INTS3: variants seen among roughly 807,000 people sequenced by gnomAD.
INTS3 encodes the protein SOSS complex subunit A.
Under a neutral mutation model 146.3 loss-of-function variants are expected in INTS3, and 34 were observed. The observed-to-expected ratio is 0.23, with a 90% CI of 0.18 to 0.31. The LOEUF (loss-of-function observed/expected upper bound fraction) is 0.31. Ranked by LOEUF, INTS3 falls within the 10% of genes least tolerant of loss-of-function variation. INTS3 has a pLI of 1.00. For synonymous variants in INTS3, 475 were observed against 494.9 expected (o/e 0.96, Z 0.53); for missense variants, 757 against 1,304.2 (o/e 0.58, Z 6.46).
intron 1 of INTS3, among the ~76,000 whole-genome samples, chr1:153,733,218 T>A (rs1671152733): frequency 8.0e-6 from 1 of 125,182 alleles, no homozygotes; most frequent in African/African-American, 3.3e-5. Flanking sequence ...TTTTTTTTTT[T>A]TTTTTTTTTT....
intron 6 of INTS3, among the ~76,000 whole-genome samples, chr1:153,750,332 T>G (rs1188345682): frequency 6.6e-6 from 1 of 152,260 alleles, no homozygotes; most frequent in African/African-American, 2.4e-5. Flanking sequence ...CCCCACTGTG[T>G]CTTTCTCTCT....
chr1:153,736,271 T>C (rs926432381), intron 1 of INTS3, among the ~76,000 whole-genome samples: 3 of 152,164 alleles, frequency 2.0e-5, no homozygotes, highest in Non-Finnish European at 2.9e-5. Context: ...AGACCTGATA[T>C]TAAGTTGTAA....
At chr1:153,739,627 C>T (rs1384969400) in intron 1 of INTS3, among the ~76,000 whole-genome samples, 1 of 151,464 alleles carries the variant, frequency 6.6e-6, no homozygotes, top group Non-Finnish European at 1.5e-5. Context: ...AACCACCGCA[C>T]CCAGCTAATT....
Position 153,728,683 on chromosome 1 carries a change from G to A in INTS3, c.49G>A (p.Gly17Arg). The change falls in exon 1 of 30, where the codon GGA (glycine) becomes AGA (arginine). Residue 17 changes from glycine (G) to arginine (R), a missense_variant. By Grantham distance (125) the Gly-to-Arg change is moderately radical (BLOSUM62 -2). Around this residue, in one of 8 missense-constraint regions of INTS3, gnomAD observed 160 missense variants for 193.7 expected, o/e 0.83. Transcript: ENST00000318967. ...GGCGGCAGCAGCAGCAGCTGCTTCG[G>A]GAGCAGCGGGAGGTGGAGGAGGAGG... ...KGAAAAAAASGAAGGGGGGAG... is the reference protein window; with the variant it reads ...KGAAAAAAASRAAGGGGGGAG... The A allele has an allele frequency of 6.2e-7, 1 of 1,606,156 alleles. No individual in the cohort carries two copies. The highest frequency in any genetic ancestry group is 8.5e-7 in the Non-Finnish European group (1 of 1,177,384).
rs758071358 is a variant in INTS3, at chr1:153,764,154, T to G, written c.1858T>G (p.Ser620Ala). Residue 620 changes from serine to alanine, a missense_variant, in exon 18 of 30, where the codon TCC becomes GCC. Coordinates refer to ENST00000318967, the MANE Select transcript of INTS3 (RefSeq NM_023015.5). ...FDSEQLSVLA[S>A]CLQELFKAHF... ...CTCGGAGCAGCTGTCTGTCCTTGCTTCCTGCCTACAGGAGCTCTTCAAGGC... is the reference window on the plus strand; with the variant it reads ...CTCGGAGCAGCTGTCTGTCCTTGCTGCCTGCCTACAGGAGCTCTTCAAGGC... The G allele has an allele frequency of 6.2e-7, 1 of 1,614,054 alleles. No individual in the cohort carries two copies. The highest frequency in any genetic ancestry group is 8.5e-7 in the Non-Finnish European group (1 of 1,179,970).
At chr1:153,760,028 A>C in intron 11 of INTS3, 2 of 538,390 alleles carry the variant, frequency 3.7e-6, no homozygotes, top group Non-Finnish European at 3.3e-6. Context: ...AGCACTTCCC[A>C]GAGCCATTCA....
At chr1:153,763,952 G>A in intron 17 of INTS3, 66 bp downstream of exon 17, 1 of 1,492,016 alleles carries the variant, frequency 6.7e-7, no homozygotes, top group Non-Finnish European at 9.3e-7. Flanking sequence ...CGTCTCCCAG[G>A]GAAGACAACT....
At chr1:153,729,778 A>G (rs1377409525) in intron 1 of INTS3, among the ~76,000 whole-genome samples, 2 of 151,084 alleles carry the variant, frequency 1.3e-5, no homozygotes, top group African/African-American at 2.4e-5. Flanking sequence ...AGGCAGGAGA[A>G]TCGCTTGAAC....
intron 24 of INTS3, 60 bp downstream of exon 24, chr1:153,770,371 A>G: frequency 9.5e-7 from 1 of 1,056,050 alleles, no homozygotes; most frequent in East Asian, 2.4e-5. Flanking sequence ...CAGTTAGGGC[A>G]AGGCTGAGGC....
chr1:153,728,868 T>TGGGGGGGGGGGGG, intron 1 of INTS3, 84 bp downstream of exon 1: 1 of 18,832 alleles, frequency 5.3e-5, no homozygotes, highest in South Asian at 8.3e-4. Context: ...GGACGGGGGG[T>TGGGGGGGGGGGGG]GGGGGCGGGG....
chr1:153,732,405 G>A (rs1386954830), intron 1 of INTS3, among the ~76,000 whole-genome samples: 2 of 151,716 alleles, frequency 1.3e-5, no homozygotes, highest in African/African-American at 4.8e-5. Flanking sequence ...TACTTTGAAC[G>A]CAGCTTGTTC....
At position 153,772,794 on chromosome 1, in the gene INTS3, A is replaced by G; in HGVS notation, c.2894+83A>G. On this transcript the variant is annotated intron_variant, in intron 28 of 29. Transcript: ENST00000318967. This position sits in a 1 kb window ranked among gnomAD's most constrained non-coding sequence, Gnocchi z 4.6. ...GGAAGCCTGCTAGGGACATAAACGT[A>G]ATGGCCAGCAAGACCTTAGGGTCCA... is the stretch of plus-strand genomic sequence containing the variant. 9 of 1,578,860 alleles carry G rather than the reference A, an allele frequency of 5.7e-6. No individual in the cohort carries two copies. The highest frequency in any genetic ancestry group is 7.8e-6 in the Non-Finnish European group (9 of 1,160,044).
chr1:153,758,493 T>G (rs1672245836), intron 10 of INTS3, among the ~76,000 whole-genome samples: 1 of 152,160 alleles, frequency 6.6e-6, no homozygotes, highest in African/African-American at 2.4e-5. Flanking sequence ...GAATCAGAGA[T>G]ATGAACTGCT....
rs1558013296 is a variant in INTS3 at position 153,773,093 on chromosome 1, G to A, written c.3051+12G>A. ...CCAGCAGTGCTTCAGTGAGAACCCA[G>A]CCAGTGCACAGGGGGAAAAGGAGCA... On this transcript the variant is annotated intron_variant, in intron 29 of 29. Transcript: ENST00000318967. 4 of 1,614,174 alleles carry A rather than the reference G, an allele frequency of 2.5e-6. No homozygotes were observed. The Admixed American group carries it at 5.0e-5, about 20-fold the overall frequency.
chr1:153,746,832 T>C lies in INTS3; in HGVS notation c.319-125T>C. The C allele has an allele frequency of 1.6e-5, 10 of 631,162 alleles. No homozygotes were observed. In the South Asian group the frequency reaches 1.7e-4, roughly 11 times the overall value. 39.1% of individuals were successfully genotyped at this position (631,162 alleles called of 1,614,324 possible). ...AGTGTCCAGAATGAAAAGTATTTCATTGCTACTCGGTGTCTTATTGGTGTT... is the reference window on the plus strand; with the variant it reads ...AGTGTCCAGAATGAAAAGTATTTCACTGCTACTCGGTGTCTTATTGGTGTT... On this transcript the variant is annotated intron_variant, in intron 3 of 29. Transcript: ENST00000318967.
chr1:153,759,985 G>A (rs1441906454), intron 11 of INTS3: 2 of 500,634 alleles, frequency 4.0e-6, no homozygotes, highest in Non-Finnish European at 7.1e-6. Context: ...TCTGCTCTTG[G>A]GTCTGCTCAG....
chr1:153,759,627 A>AC lies in INTS3; in HGVS notation c.1237+16dup. 6.4e-7 allele frequency: 1 copy of AC among 1,563,024 alleles called. No individual in the cohort carries two copies. Among genetic ancestry groups the AC allele is most frequent in the Non-Finnish European group, 8.8e-7 (1 of 1,133,710 alleles). ...TTATGAACATAGGTATGTGACCAAGACCAGGCGGCTCCACTTCCCCATCCC... is the reference window on the plus strand; with the variant it reads ...TTATGAACATAGGTATGTGACCAAGACCCAGGCGGCTCCACTTCCCCATCCC... On this transcript the variant is annotated intron_variant, in intron 11 of 29. Coordinates refer to ENST00000318967, the MANE Select transcript of INTS3 (RefSeq NM_023015.5).
intron 18 of INTS3, among the ~76,000 whole-genome samples, 161 bp downstream of exon 18, chr1:153,764,382 C>T (rs1435523809): frequency 6.6e-6 from 1 of 152,180 alleles, no homozygotes. Flanking sequence ...TTATTTCTAC[C>T]TGCTGAACAC....
rs73013763 is a variant in INTS3, at chr1:153,757,855, C to T, written c.1149+92C>T. 1,931 of 964,308 alleles carry T rather than the reference C, an allele frequency of 2.0e-3. 21 individuals carry two copies. The African/African-American group carries it at 0.027, about 13-fold the overall frequency. 59.7% of individuals were successfully genotyped at this position (964,308 alleles called of 1,614,324 possible). A position where few individuals can be genotyped will look rare whatever the true frequency, so the allele number is the denominator to read the frequency against. On this transcript the variant is annotated intron_variant, in intron 10 of 29. Coordinates refer to ENST00000318967, the MANE Select transcript of INTS3 (RefSeq NM_023015.5). This position sits in a 1 kb window ranked among gnomAD's most constrained non-coding sequence, Gnocchi z 4.0. ...CTTCCTGACTCCAGGGCCACTTGAC[C>T]CCTAAGGGCCCTTCTTTCACTCTGG... is the stretch of plus-strand genomic sequence containing the variant.
Sources: gnomAD v4.1 joint callset for allele counts (sites outside exome capture counted in the v4.1 genomes callset) on GRCh38, gnomAD v4.1.1 for gene constraint, gnomAD v4.1.1 regional missense constraint, Gnocchi (gnomAD v3.1) non-coding constraint, MANE v1.5 for transcripts, NCBI Gene and HGNC (gene_info 2026-07-23, HGNC 2026-07-21) for gene names.